The following ASXL3 variants were observed in gnomAD, a reference collection of about 807,000 sequenced individuals.
The protein encoded by ASXL3 is putative Polycomb group protein ASXL3.
Under a neutral mutation model 170.6 loss-of-function variants are expected in ASXL3, and 34 were observed. The ratio of observed to expected loss-of-function variants is 0.20; its 90% CI spans 0.15 to 0.27. The LOEUF is 0.27. Ranked by LOEUF, ASXL3 falls within the 10% of genes least tolerant of loss-of-function variation. ASXL3 has a pLI of 1.00. For synonymous variants in ASXL3, 1,002 were observed against 989.1 expected, an observed-to-expected ratio of 1.01 and a Z score of -0.24; for missense variants, 2,592 against 2,695.3, an observed-to-expected ratio of 0.96 and a Z score of 0.85.
intron 2 of ASXL3, among the ~76,000 whole-genome samples, chr18:33,633,560 C>T (rs1301437526): frequency 2.6e-5 from 4 of 151,968 alleles, no homozygotes; most frequent in African/African-American, 9.7e-5. Context: ...GTAAAAAATT[C>T]ACGCATGGCG....
intron 2 of ASXL3, among the ~76,000 whole-genome samples, chr18:33,628,568 A>G (rs79184372): frequency 3.9e-5 from 6 of 152,150 alleles, no homozygotes; most frequent in African/African-American, 7.2e-5. Flanking sequence ...TTCACACTCT[A>G]TGCTGAAAAT....
At chr18:33,630,732 G>A (rs1474940437) in intron 2 of ASXL3, among the ~76,000 whole-genome samples, 1 of 151,876 alleles carries the variant, frequency 6.6e-6, no homozygotes, top group African/African-American at 2.4e-5. Context: ...GAGAGAAAGG[G>A]GTAGGAGGAT....
At chr18:33,580,982 A>C (rs2064986533) in intron 1 of ASXL3, among the ~76,000 whole-genome samples, 1 of 152,192 alleles carries the variant, frequency 6.6e-6, no homozygotes, top group Non-Finnish European at 1.5e-5. Flanking sequence ...TAAGTGACTT[A>C]TCTAATTCTT....
At chr18:33,682,879 A>T (rs1387147860) in intron 7 of ASXL3, among the ~76,000 whole-genome samples, 1 of 152,166 alleles carries the variant, frequency 6.6e-6, no homozygotes, top group East Asian at 1.9e-4. Flanking sequence ...AATGCTTTTT[A>T]AATTATCACC....
In ASXL3 at chr18:33,750,312, ATAATT is replaced by A. The variant is rs1390857379; in HGVS notation, c.*3721_*3725del. The A allele has an allele frequency of 6.6e-5, 10 of 152,336 alleles. No individual in the cohort carries two copies. Among genetic ancestry groups the A allele is most frequent in the South Asian group, 2.1e-4 (1 of 4,832 alleles). The allele number at this position is 152,336 out of a possible 1,614,324, so 9.4% of individuals were successfully genotyped here. A position where few individuals can be genotyped will look rare whatever the true frequency, so the allele number is the denominator to read the frequency against. ...AAAAAGAACAAAAAGCATTTTTACT[ATAATT>A]TAAAGGAGCTGCTTTTTTATAGCAC... On this transcript the variant is annotated 3_prime_UTR_variant, in exon 12 of 12. Transcript: ENST00000269197.
intron 2 of ASXL3, among the ~76,000 whole-genome samples, chr18:33,627,275 C>T (rs2065617359): frequency 6.6e-6 from 1 of 152,060 alleles, no homozygotes. Context: ...TATGTTATTT[C>T]TGTTTTGTCA....
chr18:33,718,131 G>A lies in ASXL3; in HGVS notation c.880-13837G>A, dbSNP rs2212665. Among the ~76,000 whole-genome samples, 1,325 of 152,154 alleles carry A rather than the reference G, an allele frequency of 8.7e-3. 65 individuals carry two copies. The highest frequency in any genetic ancestry group is 0.077 in the Admixed American group (1,168 of 15,252). ...AAATACAACTAAATCATGGCAAAAC[G>A]AGTTCCTTCAACATTAATTAAGTTC... On this transcript the variant is annotated intron_variant, in intron 8 of 11. Coordinates refer to ENST00000269197, the MANE Select transcript of ASXL3 (RefSeq NM_030632.3).
intron 4 of ASXL3, among the ~76,000 whole-genome samples, chr18:33,655,026 C>T (rs2066060735): frequency 6.6e-6 from 1 of 151,972 alleles, no homozygotes; most frequent in Admixed American, 6.6e-5. Context: ...TTTGGAGCTT[C>T]AGTGTTCTAA....
chr18:33,707,432 ATT>A (rs2066979563), intron 8 of ASXL3, among the ~76,000 whole-genome samples: 2 of 151,838 alleles, frequency 1.3e-5, no homozygotes, highest in Non-Finnish European at 2.9e-5. Flanking sequence ...GTAGTACATC[ATT>A]TGATCAATTT....
chr18:33,700,543 A>G (rs926213138), intron 8 of ASXL3, among the ~76,000 whole-genome samples: 1 of 152,056 alleles, frequency 6.6e-6, no homozygotes, highest in African/African-American at 2.4e-5. Context: ...AAGCTTGAGC[A>G]GAAGAGAATG....
intron 11 of ASXL3, 27 bp from the exon 12 acceptor site, chr18:33,742,861 A>T: frequency 6.4e-7 from 1 of 1,565,272 alleles, no homozygotes; most frequent in Non-Finnish European, 8.6e-7. Flanking sequence ...GAAGCACATT[A>T]TATTTTTTTT....
chr18:33,656,623 C>G (rs977982837), intron 4 of ASXL3, among the ~76,000 whole-genome samples: 1 of 151,954 alleles, frequency 6.6e-6, no homozygotes, highest in Admixed American at 6.6e-5. Context: ...TGCAAAAGCA[C>G]AAAACTGACT....
chr18:33,695,814 T>G (rs2066766003), intron 8 of ASXL3, among the ~76,000 whole-genome samples: 1 of 152,166 alleles, frequency 6.6e-6, no homozygotes, highest in Non-Finnish European at 1.5e-5. Flanking sequence ...TGTCCATGTA[T>G]AATCCACTAC....
At chr18:33,594,454 A>G (rs1025864631) in intron 1 of ASXL3, among the ~76,000 whole-genome samples, 18 of 152,166 alleles carry the variant, frequency 1.2e-4, no homozygotes, top group Admixed American at 7.2e-4. Context: ...AGCAACAGGG[A>G]CTATCTGATT....
rs192234824 is a variant in ASXL3 at position 33,662,454 on chromosome 18, G to C, written c.477+717G>C. Among the ~76,000 whole-genome samples the C allele has an allele frequency of 4.6e-5, 7 of 152,290 alleles. No homozygotes were observed. In the East Asian group the frequency reaches 1.4e-3, roughly 29 times the overall value. On this transcript the variant is annotated intron_variant, in intron 5 of 11. Transcript: ENST00000269197. ...TATCTTGCTCCTGGGATTGATCCGA[G>C]AATTAGCTGAGGTAATAGGATGAAA...
Position 33,746,597 on chromosome 18 carries a change from A to G in ASXL3, c.*2A>G, listed in dbSNP as rs1568370647. ...GTAGCATGCCTGGTTGTACGATAAG[A>G]GCTGAGTGAAAGATGCAGTATCCCT... On this transcript the variant is annotated 3_prime_UTR_variant, in exon 12 of 12. Transcript: ENST00000269197. The G allele has an allele frequency of 6.4e-7, 1 of 1,569,842 alleles. No individual in the cohort carries two copies. Among genetic ancestry groups the G allele is most frequent in the Non-Finnish European group, 8.6e-7 (1 of 1,157,664 alleles).
intron 5 of ASXL3, among the ~76,000 whole-genome samples, chr18:33,669,004 T>C (rs1196025051): frequency 6.6e-6 from 1 of 152,144 alleles, no homozygotes; most frequent in East Asian, 1.9e-4. Context: ...AATTGATCAC[T>C]CTTTATGCAG....
chr18:33,595,158 C>A (rs1223458623), intron 1 of ASXL3, among the ~76,000 whole-genome samples: 2 of 152,160 alleles, frequency 1.3e-5, no homozygotes, highest in Non-Finnish European at 2.9e-5. Context: ...TATTACTCAT[C>A]AAAGTTCTAG....
intron 8 of ASXL3, among the ~76,000 whole-genome samples, chr18:33,686,803 G>A (rs571100789): frequency 6.6e-6 from 1 of 152,178 alleles, no homozygotes; most frequent in Admixed American, 6.5e-5. Flanking sequence ...GCAAGAAATA[G>A]TTTAAACACA....
Sources: gnomAD v4.1 joint callset for allele counts (sites outside exome capture counted in the v4.1 genomes callset) on GRCh38, gnomAD v4.1.1 for gene constraint, MANE v1.5 for transcripts, NCBI Gene and HGNC (gene_info 2026-07-23, HGNC 2026-07-21) for gene names.